The following DPYSL4 variants were observed in gnomAD, a reference collection of about 807,000 sequenced individuals.
The protein encoded by DPYSL4 is dihydropyrimidinase like 4.
In DPYSL4, 43 loss-of-function variants were observed where a neutral mutation model predicts 63.4. The observed-to-expected ratio is 0.68, with a 90% confidence interval of 0.53 to 0.88. DPYSL4 has a LOEUF of 0.88. Among genes scored for constraint, DPYSL4 ranks in the 40% least tolerant of loss-of-function variants. DPYSL4 has a pLI of 0.00. For missense variants in DPYSL4, 733 were observed against 819.5 expected, an observed-to-expected ratio of 0.89 and a Z score of 1.29; for synonymous variants, 353 against 331.7, an observed-to-expected ratio of 1.06 and a Z score of -0.70.
intron 1 of DPYSL4, among the ~76,000 whole-genome samples, chr10:132,189,317 T>C (rs1039170612): frequency 6.6e-6 from 1 of 150,756 alleles, no homozygotes; most frequent in African/African-American, 2.4e-5. Flanking sequence ...CACTCCTTTT[T>C]TGTGTTTCTC....
intron 1 of DPYSL4, among the ~76,000 whole-genome samples, chr10:132,189,071 G>T (rs551537885): frequency 1.1e-3 from 173 of 152,246 alleles, no homozygotes; most frequent in Non-Finnish European, 1.8e-3. Flanking sequence ...GTGCACTTCA[G>T]TTTAATGCTC....
chr10:132,198,784 C>T (rs112007960), intron 7 of DPYSL4, 67 bp from the exon 8 acceptor site: 6 of 1,588,476 alleles, frequency 3.8e-6, no homozygotes, highest in Middle Eastern at 1.7e-4. Flanking sequence ...TGGGCATCCC[C>T]ATTGCCCACA....
chr10:132,187,012 C>A lies in DPYSL4; in HGVS notation c.-52C>A. The A allele has an allele frequency of 9.0e-6, 2 of 222,368 alleles. No individual in the cohort carries two copies. Among genetic ancestry groups the A allele is most frequent in the Non-Finnish European group, 2.0e-5 (2 of 102,238 alleles). The allele number at this position is 222,368 out of a possible 1,614,324, so 13.8% of individuals were successfully genotyped here. ...TCACGCGTCCCCCCGCCCGCCCGCC[C>A]GCCCGCCCGCCCCCGCTTGTGCCGC... On this transcript the variant is annotated 5_prime_UTR_variant, in exon 1 of 14. Coordinates refer to ENST00000338492, the MANE Select transcript of DPYSL4 (RefSeq NM_006426.3).
intron 9 of DPYSL4, 21 bp from the exon 10 acceptor site, chr10:132,200,821 C>T: frequency 1.9e-6 from 3 of 1,609,542 alleles, no homozygotes; most frequent in Non-Finnish European, 2.5e-6. Context: ...CCAGGACCCT[C>T]TGACCCTGGC....
At position 132,196,832 on chromosome 10, in the gene DPYSL4, T is replaced by C. The variant is rs1307304578; in HGVS notation, c.479-29T>C. ...CGTAGGTTGTCTGACTGGTGATGGC[T>C]GAGCCTCTGACCCCTGCCTCTTCTC... On this transcript the variant is annotated intron_variant, in intron 4 of 13. Coordinates refer to ENST00000338492, the MANE Select transcript of DPYSL4 (RefSeq NM_006426.3). The C allele has an allele frequency of 2.5e-6, 4 of 1,612,804 alleles. No homozygotes were observed. In the South Asian group the frequency reaches 4.4e-5, roughly 18 times the overall value.
In DPYSL4 at chr10:132,187,009, G is replaced by A; in HGVS notation, c.-55G>A. ...GGCTCACGCGTCCCCCCGCCCGCCC[G>A]CCCGCCCGCCCGCCCCCGCTTGTGC... On this transcript the variant is annotated 5_prime_UTR_variant, in exon 1 of 14. Coordinates refer to ENST00000338492, the MANE Select transcript of DPYSL4 (RefSeq NM_006426.3). 1.5e-5 allele frequency: 1 copy of A among 65,728 alleles called. No individual in the cohort carries two copies. Among genetic ancestry groups the A allele is most frequent in the Non-Finnish European group, 2.9e-5 (1 of 34,884 alleles). 4.1% of individuals were successfully genotyped at this position (65,728 alleles called of 1,614,324 possible). A position where few individuals can be genotyped will look rare whatever the true frequency, so the allele number is the denominator to read the frequency against.
At chr10:132,204,038 C>T in intron 13 of DPYSL4, 111 bp downstream of exon 13, 2 of 1,363,244 alleles carry the variant, frequency 1.5e-6, no homozygotes, top group South Asian at 1.4e-5. Flanking sequence ...GGAAGGCACC[C>T]AGCTGGGGAC....
At chr10:132,201,702 C>T (rs1020902219) in intron 10 of DPYSL4, among the ~76,000 whole-genome samples, 3 of 152,318 alleles carry the variant, frequency 2.0e-5, no homozygotes, top group Admixed American at 6.5e-5. Context: ...CTCTAGTGCC[C>T]GTCTTCACGG....
chr10:132,200,253 A>G, intron 8 of DPYSL4, 103 bp from the exon 9 acceptor site: 1 of 1,434,142 alleles, frequency 7.0e-7, no homozygotes, highest in South Asian at 1.3e-5. Context: ...TGTCCCAGGC[A>G]AGGAAAGTGA....
intron 9 of DPYSL4, 60 bp downstream of exon 9, chr10:132,200,572 G>A: frequency 1.9e-6 from 3 of 1,590,438 alleles, no homozygotes; most frequent in South Asian, 2.3e-5. Context: ...TGCCAAGGCT[G>A]TGGCCCCGAC....
At chr10:132,197,774 C>T (rs1046352488) in intron 6 of DPYSL4, among the ~76,000 whole-genome samples, 3 of 152,150 alleles carry the variant, frequency 2.0e-5, no homozygotes, top group Non-Finnish European at 2.9e-5. Context: ...TGGTGGCACT[C>T]GGGCAGGGGC....
Position 132,201,935 on chromosome 10 carries a change from T to C in DPYSL4, c.1111-11T>C. The C allele has an allele frequency of 6.2e-7, 1 of 1,608,046 alleles. No homozygotes were observed. Among genetic ancestry groups the C allele is most frequent in the Non-Finnish European group, 8.5e-7 (1 of 1,176,402 alleles). ...ACCCGTCGCCCTCAGCTCAGCCTTCTTGTTCCCCAGGCCTCTGGGAAGATG... is the reference window on the plus strand; with the variant it reads ...ACCCGTCGCCCTCAGCTCAGCCTTCCTGTTCCCCAGGCCTCTGGGAAGATG... On this transcript the variant is annotated splice_polypyrimidine_tract_variant and intron_variant, in intron 10 of 13. Coordinates refer to ENST00000338492, the MANE Select transcript of DPYSL4 (RefSeq NM_006426.3).
At chr10:132,189,323 TTCTC>T (rs148050247) in intron 1 of DPYSL4, among the ~76,000 whole-genome samples, 13,483 of 152,294 alleles carry the variant, frequency 0.089, 647 homozygotes, top group Middle Eastern at 0.13. Context: ...TTTTTTGTGT[TTCTC>T]TCCCCCATTC....
chr10:132,195,480 A>G (rs993323862), intron 4 of DPYSL4, among the ~76,000 whole-genome samples: 3 of 152,166 alleles, frequency 2.0e-5, no homozygotes, highest in African/African-American at 7.2e-5. Context: ...GACAAGTGGC[A>G]TATCTGATTA....
At chr10:132,187,905 G>A (rs1193250213) in intron 1 of DPYSL4, among the ~76,000 whole-genome samples, 1 of 152,214 alleles carries the variant, frequency 6.6e-6, no homozygotes, top group Non-Finnish European at 1.5e-5. Context: ...GCAGGACCTG[G>A]GCGGGGGAGT....
rs1565035132 is a variant in DPYSL4 at position 132,187,355 on chromosome 10, TGCCGGGCCCTGCCGG to T, written c.39+257_39+271del. On this transcript the variant is annotated intron_variant, in intron 1 of 13. Transcript: ENST00000338492. ...GGCCCGGCCCGGCCCTGCCCGGCCC[TGCCGGGCCCTGCCGG>T]GCCCTGCCCGGCCTTGCCCGGCCTT... 1.9e-3 allele frequency among the ~76,000 whole-genome samples: 74 copies of T among 37,950 alleles called. 2 individuals are homozygous for T. The South Asian group carries it at 0.1, about 53-fold the overall frequency. 24.9% of individuals were successfully genotyped at this position (37,950 alleles called of 152,430 possible).
intron 6 of DPYSL4, 49 bp from the exon 7 acceptor site, chr10:132,198,366 C>T: frequency 1.3e-6 from 2 of 1,563,812 alleles, no homozygotes; most frequent in Non-Finnish European, 1.7e-6. Context: ...CATCCAAGGC[C>T]CAGGCTCCCT....
At chr10:132,198,353 T>C in intron 6 of DPYSL4, 62 bp from the exon 7 acceptor site, 1 of 1,523,822 alleles carries the variant, frequency 6.6e-7, no homozygotes, top group Non-Finnish European at 8.9e-7. Context: ...GCCTTGGGCT[T>C]AGCATCCAAG....
Position 132,204,918 on chromosome 10 carries a change from C to T in DPYSL4, c.1707C>T (p.Thr569=). Reference sequence around the variant, plus strand: ...CACCTGGCGGCCGCTCCAACATCACCTCTCTCTCCTAGACGCCCAGGACCG... The same window carrying T: ...CACCTGGCGGCCGCTCCAACATCACTTCTCTCTCCTAGACGCCCAGGACCG... ...MAPPGGRSNI[T]SLS Residue 569 remains threonine, a synonymous_variant, in exon 14 of 14, where the codon ACC becomes ACT. Transcript: ENST00000338492. 1 of 1,611,308 alleles carries T rather than the reference C, an allele frequency of 6.2e-7. No individual in the cohort carries two copies. Among genetic ancestry groups the T allele is most frequent in the Non-Finnish European group, 8.5e-7 (1 of 1,178,618 alleles).
Sources: allele counts gnomAD v4.1 joint callset (sites outside exome capture counted in the v4.1 genomes callset), GRCh38; gene constraint gnomAD v4.1.1; transcripts MANE v1.5; gene names NCBI Gene and HGNC (gene_info 2026-07-23, HGNC 2026-07-21).